Variants in TMC7 observed in about 807,000 individuals in gnomAD.
TMC7 encodes transmembrane channel-like protein 7.
A neutral mutation model predicts 82.9 loss-of-function variants in TMC7; 54 were observed. The observed-to-expected ratio is 0.65, with a 90% CI of 0.52 to 0.82. The LOEUF (loss-of-function observed/expected upper bound fraction) is 0.82, where lower values mean the gene tolerates loss of function less well. Among genes scored for constraint, TMC7 ranks in the 40% least tolerant of loss-of-function variants. The probability of loss-of-function intolerance (pLI) is 0.00; values close to 1 mark genes in which losing one functional copy is unlikely to be tolerated. For synonymous variants in TMC7, 350 were observed against 337.9 expected (o/e 1.04, Z -0.39); for missense variants, 820 against 901.2 (o/e 0.91, Z 1.15).
intron 8 of TMC7, 61 bp downstream of exon 8, chr16:19,038,108 G>A: frequency 6.7e-7 from 1 of 1,491,404 alleles, no homozygotes; most frequent in Non-Finnish European, 9.1e-7. Flanking sequence ...CTGTGAGGTA[G>A]ATACCATCGT....
In TMC7 at chr16:19,061,908, C is replaced by T. The variant is rs968272514; in HGVS notation, c.*65C>T. ...AGCTGACCTAGTGATTCTGCTGAGC[C>T]TACAGAGTCTACCTGGGTTTTGAGT... On this transcript the variant is annotated 3_prime_UTR_variant, in exon 16 of 16. Transcript: ENST00000304381. 1.4e-6 allele frequency: 2 copies of T among 1,394,370 alleles called. No homozygotes were observed. Among genetic ancestry groups the T allele is most frequent in the African/African-American group, 1.4e-5 (1 of 69,012 alleles). 86.4% of individuals were successfully genotyped at this position (1,394,370 alleles called of 1,614,324 possible).
chr16:19,009,387 C>T lies in TMC7; in HGVS notation c.283C>T (p.Leu95=), dbSNP rs1185237713. ...LSSHSLRNYA[L]NISEKRRLRD... is the part of the protein sequence containing the mutation. ...CAGCCATTCTCTTCGAAATTATGCACTGAACATCTCTGAGAAGCGGAGACT... is the reference window on the plus strand; with the variant it reads ...CAGCCATTCTCTTCGAAATTATGCATTGAACATCTCTGAGAAGCGGAGACT... Residue 95 remains leucine, a synonymous_variant, in exon 2 of 16, where the codon CTG becomes TTG. Transcript: ENST00000304381. The T allele has an allele frequency of 1.2e-6, 2 of 1,614,010 alleles. No homozygotes were observed. Among genetic ancestry groups the T allele is most frequent in the East Asian group, 2.2e-5 (1 of 44,874 alleles).
chr16:18,991,588 TA>T (rs923219273), intron 1 of TMC7, among the ~76,000 whole-genome samples: 25 of 152,182 alleles, frequency 1.6e-4, no homozygotes, highest in Non-Finnish European at 1.3e-4. Flanking sequence ...TTTATTTACT[TA>T]TTTTTTTAAA....
intron 1 of TMC7, among the ~76,000 whole-genome samples, chr16:19,000,228 G>A (rs1343002560): frequency 6.6e-6 from 1 of 152,120 alleles, no homozygotes; most frequent in Non-Finnish European, 1.5e-5. Context: ...CACTTTGGGA[G>A]GCTGAGGCAA....
rs751392976 is a variant in TMC7, at chr16:19,040,338, C to T, written c.1229C>T (p.Pro410Leu). 22 of 1,613,662 alleles carry T rather than the reference C, an allele frequency of 1.4e-5. No homozygotes were observed. The East Asian group carries it at 2.7e-4, about 20-fold the overall frequency. The stretch of plus-strand genomic sequence containing the variant: ...GAGAACCTCTTCATATTGTATCTAC[C>T]GTCTATTGTGATCACGCTGGCCAAT... ...FGENLFILYL[P>L]SIVITLANFI... The change falls in exon 9 of 16, where the codon CCG becomes CTG. Residue 410 changes from proline to leucine, a missense_variant. Pro to Leu is a moderately conservative substitution (Grantham distance 98). Coordinates refer to ENST00000304381, the MANE Select transcript of TMC7 (RefSeq NM_024847.4).
chr16:19,056,734 G>C (rs769900749), intron 14 of TMC7, 37 bp downstream of exon 14: 1 of 1,602,872 alleles, frequency 6.2e-7, no homozygotes. Context: ...GAGGCACGTG[G>C]GCTCCTCCCA....
chr16:18,992,736 A>C (rs1281782661), intron 1 of TMC7, among the ~76,000 whole-genome samples: 2 of 152,224 alleles, frequency 1.3e-5, no homozygotes, highest in Admixed American at 6.5e-5. Flanking sequence ...TTTAGGTCTA[A>C]CAGTTAAGTC....
chr16:19,036,407 T>G (rs563002148), intron 7 of TMC7, among the ~76,000 whole-genome samples: 1 of 151,410 alleles, frequency 6.6e-6, no homozygotes, highest in Admixed American at 6.6e-5. Flanking sequence ...TACTTGGGAG[T>G]CTGAGGCAAG....
chr16:19,021,681 G>C lies in TMC7; in HGVS notation c.513G>C (p.Val171=), dbSNP rs1959981935. The change falls in exon 4 of 16, where the codon GTG becomes GTC. Residue 171 remains valine (V), a synonymous_variant. Transcript: ENST00000304381. ...QSYFSFLRFL[V]LLNLVIFLII... Reference sequence around the variant, plus strand: ...ATTTCTCCTTCTTGAGATTCCTGGTGTTGCTGAATTTGGTGATATTTCTGA... The same window carrying C: ...ATTTCTCCTTCTTGAGATTCCTGGTCTTGCTGAATTTGGTGATATTTCTGA... 1 of 1,613,944 alleles carries C rather than the reference G, an allele frequency of 6.2e-7. No homozygotes were observed.
intron 6 of TMC7, 92 bp from the exon 7 acceptor site, chr16:19,035,584 T>A: frequency 6.7e-7 from 1 of 1,499,382 alleles, no homozygotes; most frequent in Non-Finnish European, 9.3e-7. Flanking sequence ...AATGCAGCTA[T>A]GTCTAACTTT....
chr16:19,025,907 C>A (rs925409876), intron 5 of TMC7, among the ~76,000 whole-genome samples: 1 of 151,786 alleles, frequency 6.6e-6, no homozygotes, highest in South Asian at 2.1e-4. Flanking sequence ...AGGTGCATAC[C>A]CCCATGCCCA....
At chr16:19,027,319 A>T (rs1596761114) in intron 5 of TMC7, among the ~76,000 whole-genome samples, 1 of 151,784 alleles carries the variant, frequency 6.6e-6, no homozygotes, top group East Asian at 1.9e-4. Context: ...TGCCTGCCTC[A>T]GCCTCCGAAA....
intron 2 of TMC7, among the ~76,000 whole-genome samples, chr16:19,013,954 C>T (rs530009351): frequency 4.3e-4 from 64 of 149,636 alleles, no homozygotes; most frequent in African/African-American, 1.4e-3. Context: ...CCCAGGTTCA[C>T]GCCATTCTTC....
rs980340552 is a variant in TMC7, at chr16:19,025,654, CAAAT to C, written c.711+2463_711+2466del. On this transcript the variant is annotated intron_variant, in intron 5 of 15. Coordinates refer to ENST00000304381, the MANE Select transcript of TMC7 (RefSeq NM_024847.4). Reference sequence around the variant, plus strand: ...CAAAACAAAACAAAAAACAAAAAAACAAATAAACAAATGCCATACCATTGAGCTT... The same window carrying C: ...CAAAACAAAACAAAAAACAAAAAAACAAACAAATGCCATACCATTGAGCTT... Among the ~76,000 whole-genome samples, 6 of 151,900 alleles carry C rather than the reference CAAAT, an allele frequency of 3.9e-5. No individual in the cohort carries two copies. In the South Asian group the frequency reaches 6.2e-4, roughly 16 times the overall value.
At chr16:19,007,907 A>G (rs1047399064) in intron 1 of TMC7, among the ~76,000 whole-genome samples, 1 of 151,690 alleles carries the variant, frequency 6.6e-6, no homozygotes. Context: ...TGCCTTGTTC[A>G]CTGCAGTTCC....
intron 14 of TMC7, among the ~76,000 whole-genome samples, chr16:19,058,584 C>T (rs1225458109): frequency 4.6e-5 from 7 of 152,060 alleles, no homozygotes; most frequent in East Asian, 1.9e-4. Context: ...ATGTACAAGG[C>T]GAACATCTGC....
chr16:19,040,352 A>T lies in TMC7; in HGVS notation c.1243A>T (p.Thr415Ser). The T allele has an allele frequency of 6.2e-7, 1 of 1,613,986 alleles. No homozygotes were observed. Among genetic ancestry groups the T allele is most frequent in the Non-Finnish European group, 8.5e-7 (1 of 1,180,006 alleles). ...ATTGTATCTACCGTCTATTGTGATCACGCTGGCCAATTTTATCACCCCAAT... is the reference window on the plus strand; with the variant it reads ...ATTGTATCTACCGTCTATTGTGATCTCGCTGGCCAATTTTATCACCCCAAT... ...FILYLPSIVI[T>S]LANFITPMIF... The change falls in exon 9 of 16, where the codon ACG becomes TCG. Residue 415 changes from threonine to serine, a missense_variant. This residue lies in a region of TMC7 where 650 missense variants were observed against 669.9 expected (regional missense o/e 0.97). Coordinates refer to ENST00000304381, the MANE Select transcript of TMC7 (RefSeq NM_024847.4).
intron 7 of TMC7, 99 bp downstream of exon 7, chr16:19,035,922 C>T: frequency 7.2e-7 from 1 of 1,384,516 alleles, no homozygotes. Flanking sequence ...GGGTCGGGGA[C>T]AGGTTGTCCC....
chr16:19,035,925 G>C (rs1378900376), intron 7 of TMC7, 102 bp downstream of exon 7: 8 of 1,323,140 alleles, frequency 6.0e-6, no homozygotes, highest in African/African-American at 1.5e-5. Context: ...TCGGGGACAG[G>C]TTGTCCCTGG....
Sources: allele counts gnomAD v4.1 joint callset (sites outside exome capture counted in the v4.1 genomes callset), GRCh38; gene constraint gnomAD v4.1.1; regional missense constraint gnomAD v4.1.1; transcripts MANE v1.5; gene names NCBI Gene and HGNC (gene_info 2026-07-23, HGNC 2026-07-21).